BNC2: variants seen among roughly 807,000 people sequenced by gnomAD.
BNC2 encodes the protein basonuclin zinc finger protein 2, also known as zinc finger protein basonuclin-2.
In BNC2, 20 loss-of-function variants were observed where a neutral mutation model predicts 76.3. The observed-to-expected ratio is 0.26, with a 90% CI of 0.18 to 0.38. BNC2 has a LOEUF of 0.38. Ranked by LOEUF, BNC2 falls within the 10% of genes least tolerant of loss-of-function variation. The pLI is 1.00. For synonymous variants in BNC2, 582 were observed against 514.8 expected (o/e 1.13, Z -1.77); for missense variants, 1,382 against 1,399.8 (o/e 0.99, Z 0.20).
chr9:16,801,987 G>C (rs1158313904), intron 1 of BNC2, among the ~76,000 whole-genome samples: 1 of 152,018 alleles, frequency 6.6e-6, no homozygotes, highest in African/African-American at 2.4e-5. Context: ...CAATGGGGCA[G>C]TCCACAGCTA....
chr9:16,799,957 G>A (rs533392256), intron 1 of BNC2, among the ~76,000 whole-genome samples: 3 of 152,212 alleles, frequency 2.0e-5, no homozygotes, highest in Admixed American at 6.5e-5. Context: ...GGGCGCGGTG[G>A]CTCATGCCTG....
chr9:16,501,515 T>C (rs895117834), intron 5 of BNC2, among the ~76,000 whole-genome samples: 2 of 152,168 alleles, frequency 1.3e-5, no homozygotes, highest in African/African-American at 2.4e-5. Flanking sequence ...AGATGAAAGA[T>C]ATATAAAACC....
chr9:16,664,900 C>A (rs1401679270), intron 3 of BNC2, among the ~76,000 whole-genome samples: 1 of 120,746 alleles, frequency 8.3e-6, no homozygotes, highest in Non-Finnish European at 1.8e-5. Flanking sequence ...CTGCCTACAC[C>A]CTGCCTATTC....
rs747795908 is a variant in BNC2 at position 16,536,202 on chromosome 9, G to A, written c.669+16328C>T. ...GAAACTCTTTAAACTAATAATAAACGCCCTTGGTGCTCTGGTTCTTGTATA... is the reference window on the plus strand; with the variant it reads ...GAAACTCTTTAAACTAATAATAAACACCCTTGGTGCTCTGGTTCTTGTATA... On this transcript the variant is annotated intron_variant, in intron 5 of 6. Coordinates refer to ENST00000380672, the MANE Select transcript of BNC2 (RefSeq NM_017637.6). Among the ~76,000 whole-genome samples, 8 of 151,972 alleles carry A rather than the reference G, an allele frequency of 5.3e-5. No homozygotes were observed. In the East Asian group the frequency reaches 5.8e-4, roughly 11 times the overall value.
rs531462804 is a variant in BNC2, at chr9:16,837,209, G to A, written c.3+33437C>T. ...TGAAACACTATGAAACATAATCTTA[G>A]AAAACCATAATTCTGGCCAGGCTTG... On this transcript the variant is annotated intron_variant, in intron 1 of 6. Transcript: ENST00000380672. Among the ~76,000 whole-genome samples, 8 of 152,242 alleles carry A rather than the reference G, an allele frequency of 5.3e-5. No individual in the cohort carries two copies. In the South Asian group the frequency reaches 1.7e-3, roughly 32 times the overall value.
intron 3 of BNC2, among the ~76,000 whole-genome samples, chr9:16,700,146 C>T (rs557449013): frequency 6.6e-6 from 1 of 152,190 alleles, no homozygotes; most frequent in South Asian, 2.1e-4. Flanking sequence ...AGTCTGTAGA[C>T]ACAGACTTCA....
chr9:16,601,875 A>G (rs578208811), intron 3 of BNC2, among the ~76,000 whole-genome samples: 5 of 152,284 alleles, frequency 3.3e-5, no homozygotes, highest in East Asian at 1.9e-4. Context: ...GAGTCTGGTA[A>G]TATCTCTAAA....
chr9:16,870,571 CGGTGGCGCTCGGGCGCGG>C (rs891552443), intron 1 of BNC2, 57 bp downstream of exon 1: 1 of 1,569,224 alleles, frequency 6.4e-7, no homozygotes, highest in African/African-American at 1.4e-5. Flanking sequence ...CGGGCGGCCC[CGGTGGCGCTCGGGCGCGG>C]GGGTCATTTC....
rs1053972770 is a variant in BNC2, at chr9:16,411,426, C to T, written c.*7563G>A. On this transcript the variant is annotated 3_prime_UTR_variant, in exon 7 of 7. Coordinates refer to ENST00000380672, the MANE Select transcript of BNC2 (RefSeq NM_017637.6). Reference sequence around the variant, plus strand: ...TCTTTTTTAAAAAAGTGAAACAAAGCATTAAAAAAACTATTACAAACGTCC... The same window carrying T: ...TCTTTTTTAAAAAAGTGAAACAAAGTATTAAAAAAACTATTACAAACGTCC... 1.3e-5 allele frequency: 2 copies of T among 152,536 alleles called. No homozygotes were observed. The highest frequency in any genetic ancestry group is 2.9e-5 in the Non-Finnish European group (2 of 68,016). The allele number at this position is 152,536 out of a possible 1,614,324, so 9.4% of individuals were successfully genotyped here.
intron 1 of BNC2, among the ~76,000 whole-genome samples, chr9:16,758,749 A>G (rs1398956951): frequency 6.6e-6 from 1 of 152,196 alleles, no homozygotes; most frequent in African/African-American, 2.4e-5. Context: ...AGCATTCTAC[A>G]CTGAGAATTA....
chr9:16,503,752 T>C (rs1822569657), intron 5 of BNC2, among the ~76,000 whole-genome samples: 1 of 152,212 alleles, frequency 6.6e-6, no homozygotes, highest in African/African-American at 2.4e-5. Flanking sequence ...CAGAATGTTA[T>C]AAATATATAT....
chr9:16,861,815 A>G (rs1819416886), intron 1 of BNC2, among the ~76,000 whole-genome samples: 2 of 152,076 alleles, frequency 1.3e-5, no homozygotes, highest in African/African-American at 4.8e-5. Flanking sequence ...CAGTGAAACA[A>G]CGTCTCTACT....
At chr9:16,506,252 T>C (rs1043686778) in intron 5 of BNC2, among the ~76,000 whole-genome samples, 1 of 152,172 alleles carries the variant, frequency 6.6e-6, no homozygotes, top group Admixed American at 6.5e-5. Context: ...AATACTTATG[T>C]GAGAGTAGAC....
At chr9:16,706,628 G>A (rs1028747389) in intron 3 of BNC2, among the ~76,000 whole-genome samples, 2 of 152,084 alleles carry the variant, frequency 1.3e-5, no homozygotes, top group African/African-American at 4.8e-5. Context: ...CTTAGTAGCT[G>A]GAATTAGTCT....
rs568808821 is a variant in BNC2, at chr9:16,416,207, G to C, written c.*2782C>G. 1 of 152,378 alleles carries C rather than the reference G, an allele frequency of 6.6e-6. No individual in the cohort carries two copies. Among genetic ancestry groups the C allele is most frequent in the African/African-American group, 2.4e-5 (1 of 41,568 alleles). The allele number at this position is 152,378 out of a possible 1,614,324, so 9.4% of individuals were successfully genotyped here. On this transcript the variant is annotated 3_prime_UTR_variant, in exon 7 of 7. Transcript: ENST00000380672. ...AGATGAGTTCTAGTAACTCAACTGAGTGTAACTTTTCAAAGTTGCTGAAAT... is the reference window on the plus strand; with the variant it reads ...AGATGAGTTCTAGTAACTCAACTGACTGTAACTTTTCAAAGTTGCTGAAAT...
intron 5 of BNC2, among the ~76,000 whole-genome samples, chr9:16,503,109 A>G (rs1822555124): frequency 6.6e-6 from 1 of 152,218 alleles, no homozygotes; most frequent in African/African-American, 2.4e-5. Flanking sequence ...TTTGCTACAG[A>G]GAGTATTTGA....
At chr9:16,767,358 C>T (rs1026871721) in intron 1 of BNC2, among the ~76,000 whole-genome samples, 1 of 152,180 alleles carries the variant, frequency 6.6e-6, no homozygotes, top group Non-Finnish European at 1.5e-5. Flanking sequence ...GGTCAGTGCT[C>T]AGAGAGACAC....
At chr9:16,784,443 T>C (rs1424275339) in intron 1 of BNC2, among the ~76,000 whole-genome samples, 2 of 152,092 alleles carry the variant, frequency 1.3e-5, no homozygotes, top group East Asian at 1.9e-4. Context: ...AAGTAATAAG[T>C]GCCTTAAGAA....
intron 3 of BNC2, among the ~76,000 whole-genome samples, chr9:16,584,968 T>C (rs1819729106): frequency 6.6e-6 from 1 of 151,822 alleles, no homozygotes; most frequent in Admixed American, 6.6e-5. Context: ...ATAAATGCTT[T>C]AAAAAAAATA....
Sources: gnomAD v4.1 joint callset for allele counts (sites outside exome capture counted in the v4.1 genomes callset) on GRCh38, gnomAD v4.1.1 for gene constraint, MANE v1.5 for transcripts, NCBI Gene and HGNC (gene_info 2026-07-23, HGNC 2026-07-21) for gene names.